The following CNTNAP5 variants were observed in gnomAD, a reference collection of about 807,000 sequenced individuals.
The protein encoded by CNTNAP5 is contactin-associated protein-like 5.
CNTNAP5 carries 72 observed loss-of-function variants against 150.2 expected under a neutral mutation model. The observed-to-expected ratio is 0.48, with a 90% CI of 0.40 to 0.58. The LOEUF is 0.58. Ranked by LOEUF, CNTNAP5 falls within the 20% of genes least tolerant of loss-of-function variation. The probability of loss-of-function intolerance (pLI) is 0.00; values close to 1 mark genes in which losing one functional copy is unlikely to be tolerated. For missense variants in CNTNAP5, 1,636 were observed against 1,626.2 expected, an observed-to-expected ratio of 1.01 and a Z score of -0.10; for synonymous variants, 672 against 619.8, an observed-to-expected ratio of 1.08 and a Z score of -1.25.
intron 3 of CNTNAP5, among the ~76,000 whole-genome samples, chr2:124,359,087 T>A (rs1690114603): frequency 6.6e-6 from 1 of 151,836 alleles, no homozygotes; most frequent in Admixed American, 6.6e-5. Context: ...CTAGTTTATT[T>A]GCATAGAGGT....
At chr2:124,356,462 C>A (rs1367732513) in intron 3 of CNTNAP5, among the ~76,000 whole-genome samples, 4 of 123,532 alleles carry the variant, frequency 3.2e-5, no homozygotes, top group Middle Eastern at 4.5e-3. Context: ...CCCCCCTCCC[C>A]CCACCCCACC....
intron 12 of CNTNAP5, among the ~76,000 whole-genome samples, chr2:124,621,566 A>C (rs1015438985): frequency 6.6e-6 from 1 of 152,182 alleles, no homozygotes; most frequent in Non-Finnish European, 1.5e-5. Flanking sequence ...GGTCTCTCCA[A>C]TATTTCTGCA....
At chr2:124,461,256 AGCAAAGAC>A (rs1330010133) in intron 6 of CNTNAP5, among the ~76,000 whole-genome samples, 1 of 152,128 alleles carries the variant, frequency 6.6e-6, no homozygotes, top group East Asian at 1.9e-4. Context: ...TATTCACAAT[AGCAAAGAC>A]TTGGAACCAA....
intron 8 of CNTNAP5, among the ~76,000 whole-genome samples, chr2:124,521,991 G>A (rs967087276): frequency 1.3e-5 from 2 of 152,168 alleles, no homozygotes; most frequent in African/African-American, 4.8e-5. Context: ...TTCACCCCAA[G>A]CAGATGTTCA....
chr2:124,362,304 C>G (rs1690233653), intron 3 of CNTNAP5, among the ~76,000 whole-genome samples: 1 of 152,316 alleles, frequency 6.6e-6, no homozygotes, highest in African/African-American at 2.4e-5. Flanking sequence ...TAGACCGGAG[C>G]TATTCCTATT....
chr2:124,902,822 G>C, intron 21 of CNTNAP5, 60 bp from the exon 22 acceptor site: 2 of 1,184,034 alleles, frequency 1.7e-6, no homozygotes, highest in Non-Finnish European at 2.4e-6. Context: ...AGAGGACCCA[G>C]CATATAATTT....
At chr2:124,655,999 A>AAAGAAAGAAGGAAGG (rs1317556643) in intron 13 of CNTNAP5, among the ~76,000 whole-genome samples, 65 of 90,580 alleles carry the variant, frequency 7.2e-4, no homozygotes, top group African/African-American at 1.2e-3. Context: ...AAGAAAGAAA[A>AAAGAAAGAAGGAAGG]AAGGAAGGAA....
intron 12 of CNTNAP5, among the ~76,000 whole-genome samples, chr2:124,621,332 A>G (rs1677610584): frequency 6.6e-6 from 1 of 152,228 alleles, no homozygotes; most frequent in African/African-American, 2.4e-5. Flanking sequence ...ATCATCAGGC[A>G]TTACAAGGAA....
chr2:124,423,899 C>T (rs1053981388), intron 4 of CNTNAP5, among the ~76,000 whole-genome samples: 16 of 151,012 alleles, frequency 1.1e-4, no homozygotes, highest in Non-Finnish European at 2.1e-4. Context: ...CTCCTGACCT[C>T]GTGATCCGCC....
intron 1 of CNTNAP5, among the ~76,000 whole-genome samples, chr2:124,214,841 T>G (rs1361413265): frequency 6.6e-6 from 1 of 152,190 alleles, no homozygotes; most frequent in Non-Finnish European, 1.5e-5. Flanking sequence ...TAGCAGCTGA[T>G]CAAAAAGCAA....
At chr2:124,845,620 T>A (rs1683032966) in intron 19 of CNTNAP5, among the ~76,000 whole-genome samples, 1 of 152,006 alleles carries the variant, frequency 6.6e-6, no homozygotes, top group Non-Finnish European at 1.5e-5. Context: ...GGTCCTGGCC[T>A]TTTATTTTGG....
At chr2:124,457,652 A>G (rs141330201) in intron 6 of CNTNAP5, among the ~76,000 whole-genome samples, 1 of 152,256 alleles carries the variant, frequency 6.6e-6, no homozygotes, top group East Asian at 1.9e-4. Flanking sequence ...CCCATCACGA[A>G]GATATTAAGC....
chr2:124,913,971 G>C (rs1014444610), intron 23 of CNTNAP5, 121 bp from the exon 24 acceptor site: 5 of 630,986 alleles, frequency 7.9e-6, no homozygotes, highest in Non-Finnish European at 1.4e-5. Context: ...AGTTGCGTTT[G>C]TGTGATTTGT....
chr2:124,686,320 GAA>G (rs1169623503), intron 13 of CNTNAP5, among the ~76,000 whole-genome samples: 1 of 152,080 alleles, frequency 6.6e-6, no homozygotes, highest in Non-Finnish European at 1.5e-5. Context: ...ATGATCTCAA[GAA>G]AGATTTAAAG....
At chr2:124,205,538 C>A (rs189762635) in intron 1 of CNTNAP5, among the ~76,000 whole-genome samples, 1 of 152,104 alleles carries the variant, frequency 6.6e-6, no homozygotes, top group East Asian at 1.9e-4. Context: ...CCTGCCTCAG[C>A]CTCCCAAGTA....
chr2:124,807,105 G>C (rs1457451670), intron 19 of CNTNAP5, among the ~76,000 whole-genome samples: 1 of 152,070 alleles, frequency 6.6e-6, no homozygotes, highest in Non-Finnish European at 1.5e-5. Flanking sequence ...TACATCTTGA[G>C]ATGTGAAACA....
At chr2:124,666,943 G>A (rs1240952156) in intron 13 of CNTNAP5, among the ~76,000 whole-genome samples, 1 of 152,084 alleles carries the variant, frequency 6.6e-6, no homozygotes, top group Non-Finnish European at 1.5e-5. Context: ...CATAACTACA[G>A]CAAAGAACTA....
At chr2:124,106,267 C>T (rs1683170666) in intron 1 of CNTNAP5, among the ~76,000 whole-genome samples, 1 of 152,154 alleles carries the variant, frequency 6.6e-6, no homozygotes, top group South Asian at 2.1e-4. Context: ...CTCCTAAAGT[C>T]CTTAGAATCT....
At chr2:124,373,063 A>G (rs887873694) in intron 3 of CNTNAP5, among the ~76,000 whole-genome samples, 1 of 152,136 alleles carries the variant, frequency 6.6e-6, no homozygotes, top group Non-Finnish European at 1.5e-5. Flanking sequence ...TGGCAGTCCA[A>G]AGACAGATAT....
Sources: gnomAD v4.1 joint callset for allele counts (sites outside exome capture counted in the v4.1 genomes callset) on GRCh38, gnomAD v4.1.1 for gene constraint, MANE v1.5 for transcripts, NCBI Gene and HGNC (gene_info 2026-07-23, HGNC 2026-07-21) for gene names.